The following SLC20A2 variants were observed in gnomAD, a reference collection of about 807,000 sequenced individuals.
The protein encoded by SLC20A2 is solute carrier family 20 member 2, also known as sodium-dependent phosphate transporter 2.
SLC20A2 carries 30 observed loss-of-function variants against 61.0 expected under a neutral mutation model. The observed-to-expected ratio is 0.49, with a 90% CI of 0.37 to 0.67. The LOEUF (loss-of-function observed/expected upper bound fraction) is 0.67. Ranked by LOEUF, SLC20A2 falls within the 30% of genes least tolerant of loss-of-function variation. SLC20A2 has a pLI of 0.00. For missense variants in SLC20A2, 626 were observed against 866.4 expected (o/e 0.72, Z 3.48); for synonymous variants, 351 against 353.3 (o/e 0.99, Z 0.07).
intron 1 of SLC20A2, among the ~76,000 whole-genome samples, chr8:42,481,629 C>A (rs1343671484): frequency 6.6e-6 from 1 of 152,182 alleles, no homozygotes; most frequent in African/African-American, 2.4e-5. Flanking sequence ...TATTATTCTA[C>A]ATCAACCAGA....
At chr8:42,532,351 C>T (rs1424356982) in intron 1 of SLC20A2, among the ~76,000 whole-genome samples, 1 of 152,154 alleles carries the variant, frequency 6.6e-6, no homozygotes, top group African/African-American at 2.4e-5. Flanking sequence ...CTCTTCCTGC[C>T]TTCCCCACCT....
intron 5 of SLC20A2, among the ~76,000 whole-genome samples, chr8:42,455,034 TG>T (rs1806037517): frequency 6.6e-6 from 1 of 150,810 alleles, no homozygotes; most frequent in Non-Finnish European, 1.5e-5. Flanking sequence ...GAGACTAGCT[TG>T]GCTAACATGG....
intron 1 of SLC20A2, among the ~76,000 whole-genome samples, chr8:42,479,752 G>A (rs979326261): frequency 3.9e-5 from 6 of 152,144 alleles, no homozygotes; most frequent in African/African-American, 1.4e-4. Context: ...TTGAACCTGG[G>A]AGGCAGAGGT....
intron 1 of SLC20A2, chr8:42,541,613 G>A (rs1399468164): frequency 6.7e-6 from 1 of 149,598 alleles, no homozygotes; most frequent in African/African-American, 2.4e-5. Context: ...GGTCCGCTCG[G>A]TAACCGTTTC....
intron 8 of SLC20A2, among the ~76,000 whole-genome samples, chr8:42,431,836 C>T (rs1250804507): frequency 6.6e-6 from 1 of 152,230 alleles, no homozygotes; most frequent in Non-Finnish European, 1.5e-5. Flanking sequence ...CATCTGTTTA[C>T]AGCATGGTTT....
At chr8:42,494,643 G>A (rs4641053) in intron 1 of SLC20A2, among the ~76,000 whole-genome samples, 57,334 of 151,998 alleles carry the variant, frequency 0.38, 11,057 homozygotes, top group East Asian at 0.43. Flanking sequence ...AAATGGCTGC[G>A]TAGTGTTCTA....
chr8:42,487,824 C>T (rs1258069040), intron 1 of SLC20A2, among the ~76,000 whole-genome samples: 1 of 152,168 alleles, frequency 6.6e-6, no homozygotes, highest in Non-Finnish European at 1.5e-5. Flanking sequence ...GCTGTGCAAC[C>T]ACTGCCACCA....
At chr8:42,476,422 G>A (rs1159951676) in intron 1 of SLC20A2, among the ~76,000 whole-genome samples, 2 of 152,108 alleles carry the variant, frequency 1.3e-5, no homozygotes, top group Non-Finnish European at 2.9e-5. Flanking sequence ...TGTCTCAATG[G>A]AGGACTCCCT....
At chr8:42,421,103 A>G (rs1803008287) in intron 10 of SLC20A2, among the ~76,000 whole-genome samples, 1 of 152,214 alleles carries the variant, frequency 6.6e-6, no homozygotes. Flanking sequence ...ATCCAATAGC[A>G]CATTACGTCT....
chr8:42,484,841 GCTGGGTGTT>G, intron 1 of SLC20A2: 1 of 336,700 alleles, frequency 3.0e-6, no homozygotes, highest in Non-Finnish European at 5.9e-6. Flanking sequence ...CATCCAGCCA[GCTGGGTGTT>G]CTGCTTGCTG....
chr8:42,510,666 T>C (rs1005519271), intron 1 of SLC20A2, among the ~76,000 whole-genome samples: 3 of 152,246 alleles, frequency 2.0e-5, no homozygotes, highest in African/African-American at 7.2e-5. Context: ...AGGAGTCTTT[T>C]AACAGAGCCA....
At chr8:42,512,657 A>C (rs1037397523) in intron 1 of SLC20A2, among the ~76,000 whole-genome samples, 1 of 151,678 alleles carries the variant, frequency 6.6e-6, no homozygotes, top group South Asian at 2.1e-4. Context: ...AGCCCAAAAA[A>C]CTCTTTTTCA....
In SLC20A2 at chr8:42,527,571, A is replaced by T. The variant is rs537202804; in HGVS notation, c.-265+14250T>A. Reference sequence around the variant, plus strand: ...GGAGGGCGGATCACCTGAGGTTGGGAGTTCAAGACCAACATGGAGAAACCC... The same window carrying T: ...GGAGGGCGGATCACCTGAGGTTGGGTGTTCAAGACCAACATGGAGAAACCC... On this transcript the variant is annotated intron_variant, in intron 1 of 10. Coordinates refer to the SLC20A2 transcript ENST00000342228. Among the ~76,000 whole-genome samples, 141 of 151,950 alleles carry T rather than the reference A, an allele frequency of 9.3e-4. 7 individuals are homozygous for T. Among genetic ancestry groups the T allele is most frequent in the Non-Finnish European group, 7.4e-5 (5 of 67,976 alleles).
At chr8:42,418,311 C>T (rs532014392) in intron 10 of SLC20A2, among the ~76,000 whole-genome samples, 10 of 152,234 alleles carry the variant, frequency 6.6e-5, no homozygotes, top group South Asian at 2.1e-4. Flanking sequence ...AGATTACAGG[C>T]GCATGCCATC....
intron 1 of SLC20A2, chr8:42,484,790 C>T: frequency 3.2e-6 from 1 of 312,820 alleles, no homozygotes; most frequent in Admixed American, 3.6e-5. Context: ...GCTCCCATAT[C>T]ATGCGGGAGC....
chr8:42,468,170 C>T lies in SLC20A2; in HGVS notation c.290-2253G>A, dbSNP rs191469515. 2.1e-3 allele frequency among the ~76,000 whole-genome samples: 312 copies of T among 152,080 alleles called. 8 individuals carry two copies. The highest frequency in any genetic ancestry group is 0.019 in the Admixed American group (290 of 15,260). On this transcript the variant is annotated intron_variant, in intron 2 of 10. Coordinates refer to ENST00000520262, the MANE Select transcript of SLC20A2 (RefSeq NM_001257180.2). The stretch of plus-strand genomic sequence containing the variant: ...GCCTGCCTCGGCCTCCCAAAGTGCT[C>T]GGATTACAGGTGTGAGCCACCGCTA...
chr8:42,492,693 C>CT (rs879941614), intron 1 of SLC20A2, among the ~76,000 whole-genome samples: 2,191 of 144,738 alleles, frequency 0.015, 41 homozygotes, highest in African/African-American at 0.048. Flanking sequence ...ACTTGGTTTT[C>CT]TTTTTTTTTT....
intron 1 of SLC20A2, among the ~76,000 whole-genome samples, chr8:42,511,250 C>T (rs1016024744): frequency 2.0e-5 from 3 of 152,128 alleles, no homozygotes; most frequent in Non-Finnish European, 4.4e-5. Context: ...TTCCAAGAGA[C>T]GTGGAAATCA....
At chr8:42,458,203 G>A (rs1382891764) in intron 5 of SLC20A2, among the ~76,000 whole-genome samples, 1 of 152,204 alleles carries the variant, frequency 6.6e-6, no homozygotes, top group Admixed American at 6.5e-5. Flanking sequence ...ACAAACAGAA[G>A]AGGAATATTC....
Sources: gnomAD v4.1 joint callset for allele counts (sites outside exome capture counted in the v4.1 genomes callset) on GRCh38, gnomAD v4.1.1 for gene constraint, MANE v1.5 for transcripts, NCBI Gene and HGNC (gene_info 2026-07-23, HGNC 2026-07-21) for gene names.